Variants in PUS1 observed in about 807,000 individuals in gnomAD.
PUS1 encodes the protein pseudouridylate synthase 1 homolog.
PUS1 carries 25 observed loss-of-function variants against 38.5 expected under a neutral mutation model. The ratio of observed to expected loss-of-function variants is 0.65; its 90% CI spans 0.47 to 0.91. The LOEUF is 0.91. PUS1 is among the 40% of genes least tolerant of loss of function. The pLI, the probability that PUS1 is intolerant of heterozygous loss-of-function variation, is 0.00. For synonymous variants in PUS1, 282 were observed against 260.4 expected (o/e 1.08, Z -0.80); for missense variants, 597 against 612.3 (o/e 0.97, Z 0.26).
chr12:131,939,685 C>T (rs567084383), intron 4 of PUS1, among the ~76,000 whole-genome samples: 21 of 152,210 alleles, frequency 1.4e-4, no homozygotes, highest in Admixed American at 5.9e-4. Flanking sequence ...GAGAGAGTCT[C>T]GCTCTGTCAC....
In PUS1 at chr12:131,934,799, C is replaced by G. The variant is rs558236003; in HGVS notation, c.441+2487C>G. 3.9e-5 allele frequency: 6 copies of G among 152,358 alleles called. No homozygotes were observed. In the East Asian group the frequency reaches 9.6e-4, roughly 24 times the overall value. 9.4% of individuals were successfully genotyped at this position (152,358 alleles called of 1,614,324 possible). On this transcript the variant is annotated intron_variant, in intron 3 of 5. Transcript: ENST00000376649. ...CGTGATACCTGTCATCCTTGCTCTT[C>G]CGAGTGCCTGGCTCTGTCACATGGC...
rs751632633 is a variant in PUS1, at chr12:131,943,537, A to G, written c.1237-2A>G. On this transcript the variant is annotated splice_acceptor_variant, in intron 5 of 5. Transcript: ENST00000376649. LOFTEE classifies it high-confidence loss of function. ...TATTCTCCATGTGGTCTTCTTCTGC[A>G]GGTGCCCAGTCCCCTGGAAGGCAGT... is the stretch of plus-strand genomic sequence containing the variant. 6.2e-7 allele frequency: 1 copy of G among 1,613,104 alleles called. No individual in the cohort carries two copies. Among genetic ancestry groups the G allele is most frequent in the African/African-American group, 1.3e-5 (1 of 75,032 alleles).
chr12:131,932,042 A>T (rs989002612), intron 2 of PUS1, 133 bp from the exon 3 acceptor site: 4 of 786,330 alleles, frequency 5.1e-6, no homozygotes, highest in African/African-American at 1.7e-5. Flanking sequence ...TGAGCGTGGC[A>T]GCTCACACTT....
In PUS1 at chr12:131,944,621, A is replaced by C. The variant is rs1891224522; in HGVS notation, c.*1035A>C. On this transcript the variant is annotated 3_prime_UTR_variant, in exon 6 of 6. Coordinates refer to ENST00000376649, the MANE Select transcript of PUS1 (RefSeq NM_025215.6). ...GCCCCGCTGACCTGCCGCATCCCCGAGAGGGGTGGCAGCCACGGGCTCCTC... is the reference window on the plus strand; with the variant it reads ...GCCCCGCTGACCTGCCGCATCCCCGCGAGGGGTGGCAGCCACGGGCTCCTC... The C allele has an allele frequency of 6.6e-6, 1 of 152,548 alleles. No individual in the cohort carries two copies. The highest frequency in any genetic ancestry group is 1.5e-5 in the Non-Finnish European group (1 of 68,422). The allele number at this position is 152,548 out of a possible 1,614,324, so 9.4% of individuals were successfully genotyped here.
chr12:131,932,682 A>C, intron 3 of PUS1: 1 of 415,044 alleles, frequency 2.4e-6, no homozygotes, highest in Non-Finnish European at 4.6e-6. Context: ...AGAGAGCCAC[A>C]CTTGTATGAT....
rs1189651460 is a variant in PUS1, at chr12:131,929,560, T to C, written c.-163T>C. The C allele has an allele frequency of 3.5e-6, 2 of 567,302 alleles. No homozygotes were observed. The highest frequency in any genetic ancestry group is 3.4e-5 in the East Asian group (1 of 29,088). The allele number at this position is 567,302 out of a possible 1,614,324, so 35.1% of individuals were successfully genotyped here. ...CAGGTCCGAGAGGTCAGGGGTCAGC[T>C]GGAGAGGGGCTGGGGCGCCGGTTTC... On this transcript the variant is annotated 5_prime_UTR_variant, in exon 1 of 6. Coordinates refer to ENST00000376649, the MANE Select transcript of PUS1 (RefSeq NM_025215.6).
chr12:131,934,545 A>G (rs1593290664), intron 3 of PUS1: 1 of 152,238 alleles, frequency 6.6e-6, no homozygotes, highest in East Asian at 1.9e-4. Flanking sequence ...GTAATACTAC[A>G]AACTAATGAT....
At chr12:131,933,550 A>G (rs1312748241) in intron 3 of PUS1, among the ~76,000 whole-genome samples, 1 of 152,178 alleles carries the variant, frequency 6.6e-6, no homozygotes, top group African/African-American at 2.4e-5. Flanking sequence ...TCAGAACCAC[A>G]AGGCTGAGTA....
chr12:131,938,993 G>A (rs561396647), intron 3 of PUS1, among the ~76,000 whole-genome samples, 180 bp from the exon 4 acceptor site: 3 of 152,188 alleles, frequency 2.0e-5, no homozygotes, highest in East Asian at 1.9e-4. Context: ...CACCCGCCTC[G>A]GCCTCCCAAA....
chr12:131,943,374 G>A (rs937414151), intron 5 of PUS1, among the ~76,000 whole-genome samples, 165 bp from the exon 6 acceptor site: 2 of 152,254 alleles, frequency 1.3e-5, no homozygotes, highest in African/African-American at 4.8e-5. Flanking sequence ...ACAGGTTCCT[G>A]ACCTGGTTAA....
chr12:131,939,964 C>T (rs920532275), intron 4 of PUS1, among the ~76,000 whole-genome samples: 2 of 152,158 alleles, frequency 1.3e-5, no homozygotes, highest in African/African-American at 4.8e-5. Context: ...GTCTTGCTCT[C>T]TGTTTTCTTT....
chr12:131,933,316 A>AC (rs1890691496), intron 3 of PUS1, among the ~76,000 whole-genome samples: 1 of 151,880 alleles, frequency 6.6e-6, no homozygotes, highest in South Asian at 2.1e-4. Context: ...ACAGGCATGA[A>AC]CCGCCACATC....
rs556919750 is a variant in PUS1 at position 131,945,036 on chromosome 12, C to T, written c.*1450C>T. The T allele has an allele frequency of 3.9e-5, 6 of 152,454 alleles. No homozygotes were observed. In the East Asian group the frequency reaches 7.7e-4, roughly 20 times the overall value. 9.4% of individuals were successfully genotyped at this position (152,454 alleles called of 1,614,324 possible). The stretch of plus-strand genomic sequence containing the variant: ...CCTCCCAGCCTGCAGCCCGTGGGCG[C>T]ACGTGACCAATGCACGAGTGCCTGA... On this transcript the variant is annotated 3_prime_UTR_variant, in exon 6 of 6. Coordinates refer to ENST00000376649, the MANE Select transcript of PUS1 (RefSeq NM_025215.6).
chr12:131,932,206 T>C lies in PUS1; in HGVS notation c.335T>C (p.Ile112Thr). Residue 112 changes from isoleucine to threonine, a missense_variant, in exon 3 of 6, where the codon ATT becomes ACT. By Grantham distance (89) the Ile-to-Thr change is moderately conservative (BLOSUM62 -1). Coordinates refer to ENST00000376649, the MANE Select transcript of PUS1 (RefSeq NM_025215.6). ...RNVGSSQFKTIEDDLVSALVR... is the reference protein window; with the variant it reads ...RNVGSSQFKTTEDDLVSALVR... Reference sequence around the variant, plus strand: ...GTCGGGTCCTCACAATTCAAAACAATTGAAGATGACTTGGTGTCCGCCCTC... The same window carrying C: ...GTCGGGTCCTCACAATTCAAAACAACTGAAGATGACTTGGTGTCCGCCCTC... 2 of 1,614,116 alleles carry C rather than the reference T, an allele frequency of 1.2e-6. No homozygotes were observed. Among genetic ancestry groups the C allele is most frequent in the Non-Finnish European group, 1.7e-6 (2 of 1,179,980 alleles).
chr12:131,931,933 T>C (rs1342476184), intron 2 of PUS1: 4 of 624,334 alleles, frequency 6.4e-6, no homozygotes, highest in Non-Finnish European at 1.2e-5. Flanking sequence ...ATGCACAGGT[T>C]CAATCAAACC....
chr12:131,943,771 C>G lies in PUS1; in HGVS notation c.*185C>G, dbSNP rs924627884. On this transcript the variant is annotated 3_prime_UTR_variant, in exon 6 of 6. Transcript: ENST00000376649. ...TTCTCGAATCTGTTTTCAGCTCTTG[C>G]ATTGCATAGATGAACCTCAGCATGT... 1 of 619,040 alleles carries G rather than the reference C, an allele frequency of 1.6e-6. No homozygotes were observed. Among genetic ancestry groups the G allele is most frequent in the Non-Finnish European group, 2.9e-6 (1 of 340,686 alleles). 38.3% of individuals were successfully genotyped at this position (619,040 alleles called of 1,614,324 possible). A position where few individuals can be genotyped will look rare whatever the true frequency, so the allele number is the denominator to read the frequency against.
Position 131,940,133 on chromosome 12 carries a change from A to AGG in PUS1, c.544+860_544+861dup, listed in dbSNP as rs1285169539. On this transcript the variant is annotated intron_variant, in intron 4 of 5. Coordinates refer to ENST00000376649, the MANE Select transcript of PUS1 (RefSeq NM_025215.6). The stretch of plus-strand genomic sequence containing the variant: ...CTGTAGCATCGACCACCTGGGCTCA[A>AGG]GGGATCCTCCCGCCTCAGCCTATAA... 1.4e-4 allele frequency among the ~76,000 whole-genome samples: 22 copies of AGG among 152,126 alleles called. No homozygotes were observed. The East Asian group carries it at 4.3e-3, about 30-fold the overall frequency.
At chr12:131,933,309 G>C (rs1212634590) in intron 3 of PUS1, among the ~76,000 whole-genome samples, 1 of 151,780 alleles carries the variant, frequency 6.6e-6, no homozygotes, top group Admixed American at 6.6e-5. Context: ...GGGATTTACA[G>C]GCATGAACCG....
Position 131,944,371 on chromosome 12 carries a change from G to A in PUS1, c.*785G>A, listed in dbSNP as rs1274298534. On this transcript the variant is annotated 3_prime_UTR_variant, in exon 6 of 6. Coordinates refer to ENST00000376649, the MANE Select transcript of PUS1 (RefSeq NM_025215.6). ...TCTACTAAAAATACAAAAATTAGCT[G>A]GGCGCGATGGTGGGCGCCTGTAATC... is the stretch of plus-strand genomic sequence containing the variant. The A allele has an allele frequency of 1.3e-5, 2 of 152,090 alleles. No homozygotes were observed. 9.4% of individuals were successfully genotyped at this position (152,090 alleles called of 1,614,324 possible).
Sources: gnomAD v4.1 joint callset for allele counts (sites outside exome capture counted in the v4.1 genomes callset) on GRCh38, gnomAD v4.1.1 for gene constraint, MANE v1.5 for transcripts, NCBI Gene and HGNC (gene_info 2026-07-23, HGNC 2026-07-21) for gene names.